Variants in MAF observed in about 807,000 individuals in gnomAD.
The protein encoded by MAF is MAF bZIP transcription factor.
In MAF, 10 loss-of-function variants were observed where a neutral mutation model predicts 22.0. That is an observed-to-expected ratio of 0.45 (90% CI 0.28 to 0.77). MAF has a LOEUF of 0.77. Among genes scored for constraint, MAF ranks in the 30% least tolerant of loss-of-function variants. The probability of loss-of-function intolerance (pLI) is 0.12; values close to 1 mark genes in which losing one functional copy is unlikely to be tolerated. For synonymous variants in MAF, 337 were observed against 255.8 expected (o/e 1.32, Z -3.03); for missense variants, 544 against 548.4 (o/e 0.99, Z 0.08).
chr16:79,404,029 TA>T, the MAF span, among the ~76,000 whole-genome samples: 2 of 152,210 alleles, frequency 1.3e-5, no homozygotes, highest in African/African-American at 4.8e-5. Context: ...CACGTATTTC[TA>T]AAAACATTTA....
the MAF span, among the ~76,000 whole-genome samples, chr16:79,552,819 T>C: frequency 6.6e-6 from 1 of 152,166 alleles, no homozygotes; most frequent in African/African-American, 2.4e-5. Flanking sequence ...TCAAGGCTGG[T>C]GCAAAGCTAA....
the MAF span, among the ~76,000 whole-genome samples, chr16:79,277,557 A>C: frequency 6.6e-6 from 1 of 152,180 alleles, no homozygotes; most frequent in African/African-American, 2.4e-5. Flanking sequence ...TAACTCTCTG[A>C]GATTAGTACT....
the MAF span, among the ~76,000 whole-genome samples, chr16:79,478,177 C>T: frequency 3.3e-5 from 5 of 152,220 alleles, no homozygotes; most frequent in African/African-American, 9.7e-5. Flanking sequence ...TCCAAACTCC[C>T]TTCCCCGTCA....
the MAF span, among the ~76,000 whole-genome samples, chr16:79,457,756 G>A: frequency 6.6e-6 from 1 of 152,020 alleles, no homozygotes; most frequent in Non-Finnish European, 1.5e-5. Context: ...TTTGTGGTGG[G>A]GCAGGCACCC....
the MAF span, among the ~76,000 whole-genome samples, chr16:79,388,246 C>A: frequency 8.9e-6 from 1 of 111,912 alleles, no homozygotes; most frequent in African/African-American, 3.7e-5. Flanking sequence ...GCCGATGTGG[C>A]CCGCGGATAA....
chr16:79,280,487 C>T, the MAF span, among the ~76,000 whole-genome samples: 1 of 152,228 alleles, frequency 6.6e-6, no homozygotes. Flanking sequence ...GCAACAAAAC[C>T]TGTATGCACA....
At chr16:79,514,554 C>G in the MAF span, among the ~76,000 whole-genome samples, 1 of 152,194 alleles carries the variant, frequency 6.6e-6, no homozygotes, top group Non-Finnish European at 1.5e-5. Context: ...CATTTCCCTG[C>G]ATGGTAGCCA....
chr16:79,257,615 A>C, the MAF span, among the ~76,000 whole-genome samples: 1 of 152,158 alleles, frequency 6.6e-6, no homozygotes, highest in Non-Finnish European at 1.5e-5. Context: ...CGAGCTACTT[A>C]ATGTCTCTGT....
At chr16:79,244,213 C>T in the MAF span, among the ~76,000 whole-genome samples, 69 of 152,024 alleles carry the variant, frequency 4.5e-4, no homozygotes, top group South Asian at 2.7e-3. Flanking sequence ...AAGTTCTGGC[C>T]AGGACAATCA....
At chr16:79,492,255 G>A in the MAF span, among the ~76,000 whole-genome samples, 1 of 152,168 alleles carries the variant, frequency 6.6e-6, no homozygotes, top group Non-Finnish European at 1.5e-5. Flanking sequence ...CTGGGGCTGG[G>A]ATTAGGGTGA....
the MAF span, among the ~76,000 whole-genome samples, chr16:79,234,625 C>T: frequency 6.6e-6 from 1 of 152,088 alleles, no homozygotes; most frequent in Non-Finnish European, 1.5e-5. Flanking sequence ...TGTTGTGTGT[C>T]TCAGCCTGGA....
chr16:79,422,596 G>A, the MAF span, among the ~76,000 whole-genome samples: 1 of 152,182 alleles, frequency 6.6e-6, no homozygotes, highest in East Asian at 1.9e-4. Context: ...GTAAGCAGCT[G>A]GGCCGTCCCT....
chr16:79,330,261 G>C, the MAF span, among the ~76,000 whole-genome samples: 1 of 152,170 alleles, frequency 6.6e-6, no homozygotes, highest in Non-Finnish European at 1.5e-5. Context: ...TGGGCATTTT[G>C]TTTTTGAGAA....
the MAF span, among the ~76,000 whole-genome samples, chr16:79,571,530 A>ATTTTTTTTTTTTTTTTTTTT: frequency 1.9e-5 from 2 of 103,878 alleles, no homozygotes; most frequent in African/African-American, 7.4e-5. Context: ...TCTCAGCGGA[A>ATTTTTTTTTTTTTTTTTTTT]TTTTTTTTTT....
chr16:79,574,365 A>C, the MAF span, among the ~76,000 whole-genome samples: 2 of 152,240 alleles, frequency 1.3e-5, no homozygotes, highest in Admixed American at 1.3e-4. Flanking sequence ...GTATCTGCAG[A>C]AGTCTGTGCA....
the MAF span, among the ~76,000 whole-genome samples, chr16:79,496,924 G>T: frequency 2.4e-4 from 37 of 152,194 alleles, no homozygotes; most frequent in African/African-American, 8.4e-4. Flanking sequence ...GTTCTACACA[G>T]TAGCAGTGGG....
At chr16:79,518,856 C>G in the MAF span, among the ~76,000 whole-genome samples, 1 of 152,056 alleles carries the variant, frequency 6.6e-6, no homozygotes, top group African/African-American at 2.4e-5. Flanking sequence ...ACCCAGGAGG[C>G]GGAGGTTGCC....
At chr16:79,576,295 C>T in the MAF span, among the ~76,000 whole-genome samples, 4 of 148,470 alleles carry the variant, frequency 2.7e-5, no homozygotes, top group African/African-American at 9.9e-5. Context: ...TTCAAAAGTG[C>T]CCCATACAAT....
At chr16:79,507,140 G>C in the MAF span, among the ~76,000 whole-genome samples, 3 of 137,056 alleles carry the variant, frequency 2.2e-5, no homozygotes, top group East Asian at 2.1e-4. Context: ...TTGAGATGGA[G>C]TTTTACTCTC....
Sources: gnomAD v4.1 joint callset for allele counts (sites outside exome capture counted in the v4.1 genomes callset) on GRCh38, gnomAD v4.1.1 for gene constraint, MANE v1.5 for transcripts, NCBI Gene and HGNC (gene_info 2026-07-23, HGNC 2026-07-21) for gene names.